The following PLD1 variants were observed in gnomAD, a reference collection of about 807,000 sequenced individuals.
PLD1 encodes phospholipase D1.
PLD1 carries 112 observed loss-of-function variants against 137.1 expected under a neutral mutation model. The ratio of observed to expected loss-of-function variants is 0.82; its 90% confidence interval spans 0.70 to 0.96. PLD1 has a LOEUF of 0.96. Among genes scored for constraint, PLD1 ranks in the 40% least tolerant of loss-of-function variants. The probability of loss-of-function intolerance (pLI) is 0.00; values close to 1 mark genes in which losing one functional copy is unlikely to be tolerated. For missense variants in PLD1, 1,321 were observed against 1,342.0 expected (o/e 0.98, Z 0.24); for synonymous variants, 431 against 454.7 (o/e 0.95, Z 0.66).
chr3:171,626,378 A>G (rs1469756528), intron 23 of PLD1, among the ~76,000 whole-genome samples: 1 of 152,154 alleles, frequency 6.6e-6, no homozygotes, highest in Non-Finnish European at 1.5e-5. Flanking sequence ...ACGTCTGATT[A>G]GTGTACCTGA....
At chr3:171,790,734 A>C (rs1271727643) in intron 1 of PLD1, among the ~76,000 whole-genome samples, 1 of 152,158 alleles carries the variant, frequency 6.6e-6, no homozygotes, top group Non-Finnish European at 1.5e-5. Flanking sequence ...CATCTCAGAC[A>C]AGGGCCACAT....
intron 1 of PLD1, chr3:171,793,094 C>T: frequency 5.4e-6 from 1 of 184,456 alleles, no homozygotes; most frequent in Non-Finnish European, 1.1e-5. Flanking sequence ...CTCATGCTGG[C>T]AGGGTCTGAA....
chr3:171,651,569 T>C (rs1371279800), intron 21 of PLD1, among the ~76,000 whole-genome samples: 1 of 152,204 alleles, frequency 6.6e-6, no homozygotes, highest in East Asian at 1.9e-4. Flanking sequence ...TGACTTTACC[T>C]ATCCTCTATG....
Position 171,605,411 on chromosome 3 carries a change from A to G in PLD1, c.2888T>C (p.Val963Ala). 2 of 1,598,358 alleles carry G rather than the reference A, an allele frequency of 1.3e-6. No individual in the cohort carries two copies. Among genetic ancestry groups the G allele is most frequent in the East Asian group, 4.5e-5 (2 of 44,798 alleles). The part of the protein sequence containing the change: ...RGLRLQCFRV[V>A]LGYLDDPSED... Reference sequence around the variant, plus strand: ...ACTTGGGTCATCAAGATAGCCAAGGACAACCCTGAAATACAAGTGACCTCC... The same window carrying G: ...ACTTGGGTCATCAAGATAGCCAAGGGCAACCCTGAAATACAAGTGACCTCC... Residue 963 changes from valine (V) to alanine (A), a missense_variant, in exon 26 of 27, where the codon GTC becomes GCC. Physicochemically the swap from Val to Ala is moderately conservative, Grantham distance 64. Transcript: ENST00000351298.
At chr3:171,722,542 T>C (rs1282440298) in intron 8 of PLD1, among the ~76,000 whole-genome samples, 1 of 152,202 alleles carries the variant, frequency 6.6e-6, no homozygotes, top group Non-Finnish European at 1.5e-5. Context: ...TTGTCTATTC[T>C]GAAAATTTCT....
At chr3:171,746,566 A>G (rs1720200428) in intron 1 of PLD1, among the ~76,000 whole-genome samples, 2 of 152,150 alleles carry the variant, frequency 1.3e-5, no homozygotes. Context: ...ACCAATCAGC[A>G]CCCTGTGTCT....
rs1384377128 is a variant in PLD1 at position 171,736,435 on chromosome 3, A to G, written c.289-798T>C. Among the ~76,000 whole-genome samples the G allele has an allele frequency of 2.0e-5, 3 of 152,258 alleles. No homozygotes were observed. In the East Asian group the frequency reaches 5.8e-4, roughly 29 times the overall value. On this transcript the variant is annotated intron_variant, in intron 3 of 26. Transcript: ENST00000351298. The stretch of plus-strand genomic sequence containing the variant: ...TTACCCCCACATGTTATTATCTTTC[A>G]ATCTAAATGCTGGCAGGTGAAATAA...
At chr3:171,623,136 C>A (rs1733773490) in intron 23 of PLD1, among the ~76,000 whole-genome samples, 1 of 151,958 alleles carries the variant, frequency 6.6e-6, no homozygotes, top group South Asian at 2.1e-4. Flanking sequence ...TTAATGTGAT[C>A]TCATTACATT....
At chr3:171,620,022 C>G (rs1186889628) in intron 24 of PLD1, among the ~76,000 whole-genome samples, 1 of 152,204 alleles carries the variant, frequency 6.6e-6, no homozygotes, top group East Asian at 1.9e-4. Flanking sequence ...TTCACGAAGT[C>G]CATTTAATTG....
At position 171,682,166 on chromosome 3, in the gene PLD1, A is replaced by AAGAAAGAG. The variant is rs1553819289; in HGVS notation, c.1868-4473_1868-4472insCTCTTTCT. ...AAAGAAAGAAAGAAAGAAAGAAAGAAAAAGAAAGAAAGAAAGAAAGAAAGG... is the reference window on the plus strand; with the variant it reads ...AAAGAAAGAAAGAAAGAAAGAAAGAAAGAAAGAGAAAGAAAGAAAGAAAGAAAGAAAGG... On this transcript the variant is annotated intron_variant, in intron 16 of 26. Transcript: ENST00000351298. Among the ~76,000 whole-genome samples the AAGAAAGAG allele has an allele frequency of 3.2e-3, 95 of 29,476 alleles. 1 individual carries two copies. The highest frequency in any genetic ancestry group is 5.8e-3 in the Admixed American group (20 of 3,454). The allele number at this position is 29,476 out of a possible 152,430, so 19.3% of individuals were successfully genotyped here. A position where few individuals can be genotyped will look rare whatever the true frequency, so the allele number is the denominator to read the frequency against.
At chr3:171,807,133 G>T (rs772720795) in intron 1 of PLD1, among the ~76,000 whole-genome samples, 2 of 152,020 alleles carry the variant, frequency 1.3e-5, no homozygotes, top group Non-Finnish European at 2.9e-5. Flanking sequence ...ACAGTGAGAC[G>T]CCATCTTTAT....
chr3:171,695,661 G>T (rs146892966), intron 12 of PLD1, among the ~76,000 whole-genome samples: 1 of 152,088 alleles, frequency 6.6e-6, no homozygotes, highest in African/African-American at 2.4e-5. Context: ...CTTTTCCTCC[G>T]ATTGCTCAAG....
chr3:171,664,557 A>G (rs1711884734), intron 19 of PLD1, among the ~76,000 whole-genome samples: 1 of 151,820 alleles, frequency 6.6e-6, no homozygotes, highest in Non-Finnish European at 1.5e-5. Flanking sequence ...TCCTGGGATC[A>G]AGTGATTCTC....
At chr3:171,615,119 T>C (rs545227367) in intron 24 of PLD1, among the ~76,000 whole-genome samples, 4 of 152,248 alleles carry the variant, frequency 2.6e-5, no homozygotes, top group Admixed American at 6.5e-5. Context: ...TCCCTCCATT[T>C]GTTCCTGTAT....
intron 12 of PLD1, among the ~76,000 whole-genome samples, chr3:171,693,665 T>C (rs1329648425): frequency 6.6e-6 from 1 of 152,150 alleles, no homozygotes; most frequent in Non-Finnish European, 1.5e-5. Context: ...ACATTTTGCA[T>C]ATATACTGGA....
At chr3:171,663,919 G>A (rs1000716330) in intron 19 of PLD1, among the ~76,000 whole-genome samples, 15 of 152,064 alleles carry the variant, frequency 9.9e-5, no homozygotes, top group Non-Finnish European at 1.5e-5. Flanking sequence ...TAAAAGGCCT[G>A]GAAAAATTCT....
At chr3:171,640,044 A>G (rs1191316813) in intron 23 of PLD1, among the ~76,000 whole-genome samples, 2 of 151,510 alleles carry the variant, frequency 1.3e-5, no homozygotes. Context: ...GGTACTTTGA[A>G]TCTTCTCTAT....
At chr3:171,631,898 T>G (rs1205752915) in intron 23 of PLD1, among the ~76,000 whole-genome samples, 1 of 152,192 alleles carries the variant, frequency 6.6e-6, no homozygotes, top group African/African-American at 2.4e-5. Context: ...ATTTGGTAAC[T>G]ATCATGATAA....
At position 171,657,510 on chromosome 3, in the gene PLD1, A is replaced by C. The variant is rs527894055; in HGVS notation, c.2429+1703T>G. Among the ~76,000 whole-genome samples, 18 of 152,354 alleles carry C rather than the reference A, an allele frequency of 1.2e-4. No individual in the cohort carries two copies. In the South Asian group the frequency reaches 3.7e-3, roughly 32 times the overall value. ...GAGCTGAAATCAGCCATAAGAAGAAATTGTCCCTGGTGCCAAGACAATTCA... is the reference window on the plus strand; with the variant it reads ...GAGCTGAAATCAGCCATAAGAAGAACTTGTCCCTGGTGCCAAGACAATTCA... On this transcript the variant is annotated intron_variant, in intron 21 of 26. Transcript: ENST00000351298.
Sources: gnomAD v4.1 joint callset for allele counts (sites outside exome capture counted in the v4.1 genomes callset) on GRCh38, gnomAD v4.1.1 for gene constraint, MANE v1.5 for transcripts, NCBI Gene and HGNC (gene_info 2026-07-23, HGNC 2026-07-21) for gene names.